Variants in THAP8 observed in about 807,000 individuals in gnomAD.
The protein encoded by THAP8 is THAP domain containing 8.
Under a neutral mutation model 25.0 loss-of-function variants are expected in THAP8, and 24 were observed. The ratio of observed to expected loss-of-function variants is 0.96; its 90% confidence interval spans 0.69 to 1.35. The LOEUF (loss-of-function observed/expected upper bound fraction) is 1.35. Among genes scored for constraint, THAP8 ranks in the 40% most tolerant of loss-of-function variants. The pLI is 0.00. For missense variants in THAP8, 399 were observed against 368.8 expected, an observed-to-expected ratio of 1.08 and a Z score of -0.67; for synonymous variants, 169 against 157.6, an observed-to-expected ratio of 1.07 and a Z score of -0.54.
At chr19:36,039,894 C>T (rs367825057) in intron 2 of THAP8, 50 bp downstream of exon 2, 30 of 1,606,098 alleles carry the variant, frequency 1.9e-5, no homozygotes, top group Non-Finnish European at 2.3e-5. Context: ...TTCCCTTAGG[C>T]AGGGAGGTCT....
chr19:36,043,007 C>T (rs1469159480), intron 1 of THAP8, among the ~76,000 whole-genome samples: 2 of 151,904 alleles, frequency 1.3e-5, no homozygotes, highest in Non-Finnish European at 2.9e-5. Flanking sequence ...CGGCTCACTG[C>T]AACCTCCGCC....
At chr19:36,035,721 G>A (rs1441654689) in intron 3 of THAP8, 129 bp from the exon 4 acceptor site, 2 of 1,065,438 alleles carry the variant, frequency 1.9e-6, no homozygotes, top group Non-Finnish European at 2.7e-6. Context: ...GAGAGATGTG[G>A]GGAGAGATAT....
At chr19:36,046,216 GCTCT>G (rs1218009201) in intron 1 of THAP8, among the ~76,000 whole-genome samples, 2 of 151,672 alleles carry the variant, frequency 1.3e-5, no homozygotes, top group Admixed American at 6.6e-5. Context: ...TTCCCCTCTT[GCTCT>G]CTCTCTCTCC....
chr19:36,039,301 G>A (rs1969591598), intron 3 of THAP8, 22 bp downstream of exon 3: 3 of 1,444,504 alleles, frequency 2.1e-6, no homozygotes, highest in Non-Finnish European at 1.8e-6. Context: ...GGATGGGGCT[G>A]CCAGGCTGGG....
At chr19:36,051,437 A>G (rs1970052217) in intron 1 of THAP8, among the ~76,000 whole-genome samples, 1 of 151,862 alleles carries the variant, frequency 6.6e-6, no homozygotes, top group Non-Finnish European at 1.5e-5. Flanking sequence ...GATCTGACTC[A>G]GGTGTTCACA....
chr19:36,036,357 C>T (rs953727167), intron 3 of THAP8, among the ~76,000 whole-genome samples: 10 of 143,680 alleles, frequency 7.0e-5, no homozygotes, highest in African/African-American at 2.4e-4. Context: ...TTCATTAAAG[C>T]CTTGACCTTC....
intron 3 of THAP8, among the ~76,000 whole-genome samples, chr19:36,038,428 TGTGTTTTA>T (rs1324665947): frequency 6.6e-6 from 1 of 152,060 alleles, no homozygotes; most frequent in African/African-American, 2.4e-5. Context: ...TGCTAATTTT[TGTGTTTTA>T]GTGAGACAGT....
In THAP8 at chr19:36,039,533, C is replaced by G. The variant is rs1365921707; in HGVS notation, c.462G>C (p.Ala154=). The change falls in exon 3 of 4, where the codon GCG becomes GCC. Residue 154 remains alanine (A), a synonymous_variant. Coordinates refer to ENST00000292894, the MANE Select transcript of THAP8 (RefSeq NM_152658.3). ...CAGGTTGTGACCGCTCAGGAGTTGG[C>G]GCAGGGGCCAGGGGGGTCAGGAGCA... ...ATMLLTPLAP[A]PTPERSQPEV... 21 of 1,548,952 alleles carry G rather than the reference C, an allele frequency of 1.4e-5. No homozygotes were observed. The East Asian group carries it at 4.9e-4, about 36-fold the overall frequency.
At chr19:36,053,909 G>C (rs1174514472) in intron 1 of THAP8, among the ~76,000 whole-genome samples, 1 of 152,086 alleles carries the variant, frequency 6.6e-6, no homozygotes, top group Non-Finnish European at 1.5e-5. Flanking sequence ...TTCACTCTTC[G>C]GCTCGCTTCG....
intron 1 of THAP8, 25 bp downstream of exon 1, chr19:36,054,110 A>C (rs1970195972): frequency 1.2e-6 from 2 of 1,608,114 alleles, no homozygotes; most frequent in Admixed American, 3.4e-5. Flanking sequence ...CGCCTCCCTC[A>C]AGCCCCGCCC....
At chr19:36,048,964 TA>T (rs1419206740) in intron 1 of THAP8, among the ~76,000 whole-genome samples, 1 of 151,998 alleles carries the variant, frequency 6.6e-6, no homozygotes, top group African/African-American at 2.4e-5. Flanking sequence ...ATAATTTGTT[TA>T]AGCAACTCTT....
At chr19:36,042,351 G>T (rs1252679086) in intron 1 of THAP8, among the ~76,000 whole-genome samples, 10 of 152,134 alleles carry the variant, frequency 6.6e-5, no homozygotes, top group African/African-American at 2.4e-4. Flanking sequence ...CATAAATCAG[G>T]CCTGGCGTGG....
At chr19:36,049,445 C>T (rs1969990566) in intron 1 of THAP8, among the ~76,000 whole-genome samples, 1 of 152,062 alleles carries the variant, frequency 6.6e-6, no homozygotes, top group African/African-American at 2.4e-5. Flanking sequence ...CTGGCAGCCA[C>T]TTCCCTCAAT....
chr19:36,039,258 T>C, intron 3 of THAP8, 65 bp downstream of exon 3: 1 of 1,397,018 alleles, frequency 7.2e-7, no homozygotes, highest in Non-Finnish European at 9.2e-7. Context: ...CTAGACAAAA[T>C]GAAAACACAC....
intron 1 of THAP8, among the ~76,000 whole-genome samples, chr19:36,053,342 A>T (rs1970127343): frequency 8.1e-6 from 1 of 124,064 alleles, no homozygotes; most frequent in Non-Finnish European, 1.6e-5. Context: ...TGCTGGGATT[A>T]CAGGCGTGAG....
At chr19:36,054,746 C>T, upstream of THAP8, 1 of 612,418 alleles carries the variant, frequency 1.6e-6, no homozygotes, top group Non-Finnish European at 2.9e-6. Context: ...AATCAGGCAT[C>T]CAGTACACTG....
At chr19:36,045,445 T>C (rs1969846836) in intron 1 of THAP8, among the ~76,000 whole-genome samples, 1 of 151,898 alleles carries the variant, frequency 6.6e-6, no homozygotes, top group Non-Finnish European at 1.5e-5. Context: ...ATTTTTATAT[T>C]TCTTGTAGAG....
rs759995609 is a variant in THAP8, at chr19:36,035,514, G to C, written c.751C>G (p.Leu251Val). 11 of 1,614,200 alleles carry C rather than the reference G, an allele frequency of 6.8e-6. No homozygotes were observed. In the South Asian group the frequency reaches 1.2e-4, roughly 18 times the overall value. Residue 251 changes from leucine to valine, a missense_variant, in exon 4 of 4, where the codon CTT (leucine) becomes GTT (valine). By Grantham distance (32) the Leu-to-Val change is conservative. Transcript: ENST00000292894. Reference sequence around the variant, plus strand: ...GTGGCAGGTGCAGGGTCCTGGGCAAGGACCATGGCTATGTCAGGCCCTCCA... The same window carrying C: ...GTGGCAGGTGCAGGGTCCTGGGCAACGACCATGGCTATGTCAGGCCCTCCA... ...ICGGPDIAMVLAQDPAPATVD... is the reference protein window; with the variant it reads ...ICGGPDIAMVVAQDPAPATVD...
rs1204599378 is a variant in THAP8 at position 36,048,841 on chromosome 19, T to TAAAAA, written c.83+5289_83+5293dup. 1.8e-4 allele frequency among the ~76,000 whole-genome samples: 15 copies of TAAAAA among 83,884 alleles called. 2 individuals are homozygous for TAAAAA. The highest frequency in any genetic ancestry group is 3.9e-4 in the African/African-American group (7 of 18,150). The allele number at this position is 83,884 out of a possible 152,430, so 55.0% of individuals were successfully genotyped here. A position where few individuals can be genotyped will look rare whatever the true frequency, so the allele number is the denominator to read the frequency against. ...GCCCAGGTGATAAAGACCCCTTCTT[T>TAAAAA]AAAAAAAAAAAAAAACAAAAAAACA... On this transcript the variant is annotated intron_variant, in intron 1 of 3. Coordinates refer to ENST00000292894, the MANE Select transcript of THAP8 (RefSeq NM_152658.3).
Sources: allele counts gnomAD v4.1 joint callset (sites outside exome capture counted in the v4.1 genomes callset), GRCh38; gene constraint gnomAD v4.1.1; transcripts MANE v1.5; gene names NCBI Gene and HGNC (gene_info 2026-07-23, HGNC 2026-07-21).